KSR1: variants seen among roughly 807,000 people sequenced by gnomAD.
KSR1 encodes the protein kinase suppressor of ras 1, also known as kinase suppressor of ras.
Under a neutral mutation model 92.9 loss-of-function variants are expected in KSR1, and 35 were observed. That is an observed-to-expected ratio of 0.38 (90% CI 0.29 to 0.50). The LOEUF (loss-of-function observed/expected upper bound fraction) is 0.50. Among genes scored for constraint, KSR1 ranks in the 20% least tolerant of loss-of-function variants. KSR1 has a pLI of 0.94. For missense variants in KSR1, 972 were observed against 1,158.5 expected (o/e 0.84, Z 2.34); for synonymous variants, 467 against 472.6 (o/e 0.99, Z 0.15).
At chr17:27,507,799 T>C (rs930651562) in intron 1 of KSR1, among the ~76,000 whole-genome samples, 5 of 152,064 alleles carry the variant, frequency 3.3e-5, no homozygotes, top group Non-Finnish European at 7.4e-5. Flanking sequence ...GATCTCGAAC[T>C]CCCAACCTCA....
intron 1 of KSR1, among the ~76,000 whole-genome samples, chr17:27,546,169 G>A (rs1357022317): frequency 1.3e-5 from 2 of 152,222 alleles, no homozygotes; most frequent in Non-Finnish European, 2.9e-5. Context: ...ATGGGGATAA[G>A]AACCACACAT....
chr17:27,557,007 G>A (rs753076133), intron 2 of KSR1, among the ~76,000 whole-genome samples: 15 of 152,182 alleles, frequency 9.9e-5, no homozygotes, highest in Non-Finnish European at 2.1e-4. Context: ...GAGTGCCAAG[G>A]TCCTGCCAGT....
intron 2 of KSR1, among the ~76,000 whole-genome samples, chr17:27,554,028 A>G (rs2071499769): frequency 6.6e-6 from 1 of 152,046 alleles, no homozygotes; most frequent in African/African-American, 2.4e-5. Flanking sequence ...CCTGACCCCT[A>G]CCCTGGCCCT....
intron 1 of KSR1, chr17:27,526,534 C>T: frequency 2.5e-6 from 4 of 1,604,114 alleles, no homozygotes; most frequent in East Asian, 4.5e-5. Context: ...CACTCTCGCT[C>T]TGTCTGCTGG....
chr17:27,505,144 A>G (rs1355126671), intron 1 of KSR1, among the ~76,000 whole-genome samples: 1 of 152,146 alleles, frequency 6.6e-6, no homozygotes, highest in Non-Finnish European at 1.5e-5. Context: ...CCTGCTGACT[A>G]TGGCCACGGG....
At position 27,626,012 on chromosome 17, in the gene KSR1, AC is replaced by A. The variant is rs1567905703; in HGVS notation, c.*2623del. 6.6e-6 allele frequency: 1 copy of A among 152,102 alleles called. No homozygotes were observed. The highest frequency in any genetic ancestry group is 1.5e-5 in the Non-Finnish European group (1 of 68,044). The allele number at this position is 152,102 out of a possible 1,614,324, so 9.4% of individuals were successfully genotyped here. A position where few individuals can be genotyped will look rare whatever the true frequency, so the allele number is the denominator to read the frequency against. ...TCTCTCCATGTCACCAAATCAAAAC[AC>A]CCTCTGTCATCCTACGGCATTTCCT... On this transcript the variant is annotated 3_prime_UTR_variant, in exon 21 of 21. Coordinates refer to ENST00000644974, the MANE Select transcript of KSR1 (RefSeq NM_001394583.1).
At chr17:27,506,038 A>G (rs2069367373) in intron 1 of KSR1, among the ~76,000 whole-genome samples, 1 of 152,186 alleles carries the variant, frequency 6.6e-6, no homozygotes, top group Non-Finnish European at 1.5e-5. Context: ...CCTACACACC[A>G]TAAGAATGTA....
Position 27,579,877 on chromosome 17 carries a change from CCAAAAAAAA to C in KSR1, c.520+2239_520+2247del, listed in dbSNP as rs1279539786. ...GGTAACAGAGCCAGATGCTGTCTCA[CCAAAAAAAA>C]AAAAAAAAAAAAAAAAAAAAAAAAA... On this transcript the variant is annotated intron_variant, in intron 3 of 20. Coordinates refer to ENST00000644974, the MANE Select transcript of KSR1 (RefSeq NM_001394583.1). The C allele has an allele frequency of 3.7e-3, 6 of 1,602 alleles. No individual in the cohort carries two copies. The Admixed American group carries it at 0.048, about 13-fold the overall frequency. The allele number at this position is 1,602 out of a possible 1,614,324, so 0.1% of individuals were successfully genotyped here.
intron 1 of KSR1, among the ~76,000 whole-genome samples, chr17:27,472,390 G>T (rs1410356249): frequency 1.3e-5 from 2 of 152,228 alleles, no homozygotes; most frequent in African/African-American, 2.4e-5. Flanking sequence ...GCACCATTTC[G>T]TTTGGAGGAG....
intron 2 of KSR1, among the ~76,000 whole-genome samples, chr17:27,575,781 C>T (rs1269549090): frequency 6.6e-6 from 1 of 152,168 alleles, no homozygotes; most frequent in Non-Finnish European, 1.5e-5. Context: ...TTGATTCTAC[C>T]ATTCATTCTT....
At chr17:27,458,041 C>CG (rs1360104880) in intron 1 of KSR1, among the ~76,000 whole-genome samples, 3 of 151,864 alleles carry the variant, frequency 2.0e-5, no homozygotes. Context: ...TCCAAATGCT[C>CG]GGGGGTGACT....
intron 2 of KSR1, among the ~76,000 whole-genome samples, chr17:27,568,573 G>A (rs967955795): frequency 2.0e-5 from 3 of 152,202 alleles, no homozygotes; most frequent in Non-Finnish European, 2.9e-5. Context: ...AATGGGGAGG[G>A]GGAGCAGTAA....
Position 27,575,614 on chromosome 17 carries a change from G to A in KSR1, c.373-1878G>A, listed in dbSNP as rs183923362. 1.0e-3 allele frequency among the ~76,000 whole-genome samples: 159 copies of A among 152,224 alleles called. 1 individual carries two copies. The highest frequency in any genetic ancestry group is 3.7e-3 in the African/African-American group (153 of 41,526). ...GACTTCCTGGGGATGCAGCACAGCA[G>A]GTCTCACCCTCATTTTACCCAGCCC... is the stretch of plus-strand genomic sequence containing the variant. On this transcript the variant is annotated intron_variant, in intron 2 of 20. Transcript: ENST00000644974.
rs2072584551 is a variant in KSR1 at position 27,577,936 on chromosome 17, G to T, written c.520+297G>T. 2.0e-6 allele frequency: 1 copy of T among 507,636 alleles called. No individual in the cohort carries two copies. Among genetic ancestry groups the T allele is most frequent in the Non-Finnish European group, 3.6e-6 (1 of 277,354 alleles). The allele number at this position is 507,636 out of a possible 1,614,324, so 31.4% of individuals were successfully genotyped here. On this transcript the variant is annotated intron_variant, in intron 3 of 20. Coordinates refer to ENST00000644974, the MANE Select transcript of KSR1 (RefSeq NM_001394583.1). The surrounding 1 kb of genome is among the most constrained non-coding windows in gnomAD (Gnocchi z 4.5). ...TGGTTTCCTCTCTGTTGAGGGCTCTGTGTACCCTCTGCCAGCTTCCCACAT... is the reference window on the plus strand; with the variant it reads ...TGGTTTCCTCTCTGTTGAGGGCTCTTTGTACCCTCTGCCAGCTTCCCACAT...
intron 2 of KSR1, chr17:27,566,443 C>T (rs1053600770): frequency 5.0e-6 from 2 of 399,142 alleles, no homozygotes; most frequent in Non-Finnish European, 8.8e-6. Flanking sequence ...ACCCTGGGCT[C>T]AGGCCCCCTT....
intron 2 of KSR1, among the ~76,000 whole-genome samples, chr17:27,572,980 T>C (rs1268653873): frequency 6.6e-6 from 1 of 152,198 alleles, no homozygotes; most frequent in Non-Finnish European, 1.5e-5. Context: ...GGGCACTTTG[T>C]TTCCAGGGTG....
chr17:27,567,515 C>T (rs559687515), intron 2 of KSR1, among the ~76,000 whole-genome samples: 1 of 152,264 alleles, frequency 6.6e-6, no homozygotes, highest in South Asian at 2.1e-4. Flanking sequence ...CCACTGAGGC[C>T]TAGGACCTGG....
At chr17:27,555,129 T>A in intron 2 of KSR1, among the ~76,000 whole-genome samples, 1 of 152,250 alleles carries the variant, frequency 6.6e-6, no homozygotes, top group East Asian at 1.9e-4. Context: ...TCTCCCCAGT[T>A]TCCTCTGCTC....
intron 1 of KSR1, among the ~76,000 whole-genome samples, chr17:27,470,241 T>G (rs1179531583): frequency 3.4e-5 from 4 of 118,000 alleles, no homozygotes; most frequent in South Asian, 2.6e-4. Context: ...TTTGTTTGTG[T>G]TTTTTTTTTT....
Sources: gnomAD v4.1 joint callset for allele counts (sites outside exome capture counted in the v4.1 genomes callset) on GRCh38, gnomAD v4.1.1 for gene constraint, Gnocchi (gnomAD v3.1) non-coding constraint, MANE v1.5 for transcripts, NCBI Gene and HGNC (gene_info 2026-07-23, HGNC 2026-07-21) for gene names.